PDE11A: variants seen among roughly 807,000 people sequenced by gnomAD.
PDE11A encodes the protein phosphodiesterase 11A, also known as dual 3',5'-cyclic-AMP and -GMP phosphodiesterase 11A.
A neutral mutation model predicts 100.5 loss-of-function variants in PDE11A; 100 were observed. That is an observed-to-expected ratio of 1.00 (90% CI 0.85 to 1.18). The LOEUF is 1.18. PDE11A is among the 50% of genes most tolerant of loss of function. PDE11A has a pLI of 0.00. For missense variants in PDE11A, 1,141 were observed against 1,152.6 expected (o/e 0.99, Z 0.15); for synonymous variants, 381 against 420.8 (o/e 0.91, Z 1.16).
chr2:177,658,580 G>C (rs1226193404), intron 19 of PDE11A, among the ~76,000 whole-genome samples: 2 of 147,382 alleles, frequency 1.4e-5, no homozygotes, highest in Non-Finnish European at 3.0e-5. Flanking sequence ...TTTGAGTTAT[G>C]TATGATGCCA....
intron 1 of PDE11A, among the ~76,000 whole-genome samples, chr2:178,022,255 A>AGGC (rs2086422220): frequency 6.6e-6 from 1 of 152,178 alleles, no homozygotes; most frequent in Admixed American, 6.5e-5. Flanking sequence ...TTAATTTGGA[A>AGGC]GGCTGTGAAA....
chr2:177,984,632 T>A (rs541503584), intron 2 of PDE11A, among the ~76,000 whole-genome samples: 1 of 152,308 alleles, frequency 6.6e-6, no homozygotes, highest in African/African-American at 2.4e-5. Flanking sequence ...AAATAAAAGC[T>A]ACACATGTTA....
intron 10 of PDE11A, among the ~76,000 whole-genome samples, chr2:177,745,710 C>T (rs968302749): frequency 1.3e-5 from 2 of 152,192 alleles, no homozygotes; most frequent in Non-Finnish European, 2.9e-5. Flanking sequence ...TCTAGGAACA[C>T]CCTGTCCCCA....
chr2:178,038,813 A>G (rs1335270944), intron 1 of PDE11A: 3 of 152,224 alleles, frequency 2.0e-5, no homozygotes, highest in Non-Finnish European at 2.9e-5. Context: ...TCTGGTGACT[A>G]TGGTGGTCCT....
At chr2:177,945,673 A>G (rs1352122524) in intron 2 of PDE11A, among the ~76,000 whole-genome samples, 23 of 146,220 alleles carry the variant, frequency 1.6e-4, no homozygotes, top group African/African-American at 5.1e-4. Flanking sequence ...CAGCCACCCC[A>G]TCTGGGAGGT....
At chr2:177,971,393 A>T (rs895011395) in intron 2 of PDE11A, among the ~76,000 whole-genome samples, 2 of 152,216 alleles carry the variant, frequency 1.3e-5, no homozygotes, top group Non-Finnish European at 2.9e-5. Flanking sequence ...TGACTTGCCC[A>T]GGTCCCCACA....
chr2:178,023,090 C>T (rs529146397), intron 1 of PDE11A, among the ~76,000 whole-genome samples: 1 of 152,242 alleles, frequency 6.6e-6, no homozygotes, highest in South Asian at 2.1e-4. Flanking sequence ...CTGACCTGTG[C>T]CTCCTTCATA....
At chr2:177,735,871 G>C (rs2081771519) in intron 10 of PDE11A, among the ~76,000 whole-genome samples, 1 of 152,204 alleles carries the variant, frequency 6.6e-6, no homozygotes, top group East Asian at 1.9e-4. Flanking sequence ...GTAGTGACCA[G>C]TCTCCATTCT....
intron 4 of PDE11A, among the ~76,000 whole-genome samples, chr2:177,880,110 C>G (rs963381408): frequency 1.3e-5 from 2 of 152,172 alleles, no homozygotes; most frequent in African/African-American, 4.8e-5. Flanking sequence ...CACGATTGAC[C>G]TTGTATGTAG....
At chr2:177,902,802 C>T (rs919468655) in intron 3 of PDE11A, among the ~76,000 whole-genome samples, 3 of 152,156 alleles carry the variant, frequency 2.0e-5, no homozygotes, top group African/African-American at 7.2e-5. Context: ...ATCAGCAAGC[C>T]CCCACAGATT....
chr2:177,733,602 G>C (rs894087949), intron 10 of PDE11A, among the ~76,000 whole-genome samples: 1 of 152,214 alleles, frequency 6.6e-6, no homozygotes, highest in African/African-American at 2.4e-5. Context: ...TGGTAGTCCA[G>C]CCTTGGCAAT....
intron 2 of PDE11A, among the ~76,000 whole-genome samples, chr2:177,963,281 C>T (rs982548289): frequency 4.6e-5 from 7 of 152,116 alleles, no homozygotes; most frequent in East Asian, 1.9e-4. Context: ...GAGCTCTATA[C>T]GGATTCCAGA....
At chr2:177,795,199 T>C (rs75740138) in intron 9 of PDE11A, among the ~76,000 whole-genome samples, 1,802 of 152,196 alleles carry the variant, frequency 0.012, 38 homozygotes, top group African/African-American at 0.04. Context: ...GGGGCCAAAT[T>C]TGGAGTTTCT....
intron 1 of PDE11A, among the ~76,000 whole-genome samples, chr2:178,057,007 A>G (rs2105862346): frequency 6.6e-6 from 1 of 152,308 alleles, no homozygotes; most frequent in East Asian, 1.9e-4. Context: ...GGACAAGACA[A>G]ATAAATGGAA....
chr2:177,896,826 G>T (rs1248247787), intron 4 of PDE11A, among the ~76,000 whole-genome samples: 1 of 152,110 alleles, frequency 6.6e-6, no homozygotes, highest in Non-Finnish European at 1.5e-5. Context: ...TGGCCTATTG[G>T]AGTGTGTGTG....
chr2:177,865,750 A>G (rs961770265), intron 5 of PDE11A, among the ~76,000 whole-genome samples: 8 of 152,256 alleles, frequency 5.3e-5, no homozygotes. Context: ...AACCAAACAC[A>G]AATGGTCACA....
rs140534647 is a variant in PDE11A, at chr2:177,832,937, C to T, written c.1500+7314G>A. Among the ~76,000 whole-genome samples, 163 of 152,294 alleles carry T rather than the reference C, an allele frequency of 1.1e-3. 1 individual carries two copies. In the East Asian group the frequency reaches 0.03, roughly 28 times the overall value. Reference sequence around the variant, plus strand: ...AAATTCCAAGTCAAAGATCAAACAGCGCACTTGATTTCTCAAGTCACCTGC... The same window carrying T: ...AAATTCCAAGTCAAAGATCAAACAGTGCACTTGATTTCTCAAGTCACCTGC... On this transcript the variant is annotated intron_variant, in intron 6 of 19. Transcript: ENST00000286063.
In PDE11A at chr2:177,628,924, C is replaced by A. The variant is rs576292672; in HGVS notation, c.*483G>T. The A allele has an allele frequency of 6.0e-4, 116 of 193,366 alleles. No individual in the cohort carries two copies. The highest frequency in any genetic ancestry group is 9.5e-4 in the Non-Finnish European group (88 of 92,598). 12.0% of individuals were successfully genotyped at this position (193,366 alleles called of 1,614,324 possible). The stretch of plus-strand genomic sequence containing the variant: ...AAGCTCTAGGATTAAAAATAAAATA[C>A]CTCTATGGAATACAAATTAGGATTC... On this transcript the variant is annotated 3_prime_UTR_variant, in exon 20 of 20. Coordinates refer to ENST00000286063, the MANE Select transcript of PDE11A (RefSeq NM_016953.4).
chr2:177,752,221 A>G (rs1191685430), intron 10 of PDE11A, among the ~76,000 whole-genome samples: 1 of 152,002 alleles, frequency 6.6e-6, no homozygotes, highest in Non-Finnish European at 1.5e-5. Flanking sequence ...TCAATGTTCT[A>G]CTCTGGGCTT....
Sources: allele counts gnomAD v4.1 joint callset (sites outside exome capture counted in the v4.1 genomes callset), GRCh38; gene constraint gnomAD v4.1.1; transcripts MANE v1.5; gene names NCBI Gene and HGNC (gene_info 2026-07-23, HGNC 2026-07-21).